MSN: variants seen among roughly 807,000 people sequenced by gnomAD.
MSN encodes epididymis luminal protein 70.
In MSN, 2 loss-of-function variants were observed where a neutral mutation model predicts 48.0. That is an observed-to-expected ratio of 0.04 (90% CI 0.02 to 0.13). The LOEUF is 0.13. Among genes scored for constraint, MSN ranks in the 10% least tolerant of loss-of-function variants. The pLI is 1.00. For missense variants in MSN, 267 were observed against 470.1 expected, an observed-to-expected ratio of 0.57 and a Z score of 3.99; for synonymous variants, 146 against 166.9, an observed-to-expected ratio of 0.87 and a Z score of 0.97.
Position 65,656,265 on chromosome X carries a change from CTGTGTGTGTGTG to C in MSN, c.-21-60525_-21-60514del, listed in dbSNP as rs3087113. On this transcript the variant is annotated intron_variant, in intron 1 of 3. Transcript: ENST00000609672. ...GGAGCAGAGCTGAAAAGATCTATGCCTGTGTGTGTGTGTGTGTGTGTGTGTGTGTGTGTGTGT... is the reference window on the plus strand; with the variant it reads ...GGAGCAGAGCTGAAAAGATCTATGCCTGTGTGTGTGTGTGTGTGTGTGTGT... Among the ~76,000 whole-genome samples, 177 of 92,837 alleles carry C rather than the reference CTGTGTGTGTGTG, an allele frequency of 1.9e-3. 2 individuals carry two copies. Among genetic ancestry groups the C allele is most frequent in the African/African-American group, 6.5e-3 (169 of 26,051 alleles). The allele number at this position is 92,837 out of a possible 115,157, so 80.6% of individuals were successfully genotyped here. A position where few individuals can be genotyped will look rare whatever the true frequency, so the allele number is the denominator to read the frequency against.
chrX:65,674,152 A>G (rs1049604752), intron 1 of MSN, among the ~76,000 whole-genome samples: 3 of 111,539 alleles, frequency 2.7e-5, no homozygotes, highest in Non-Finnish European at 5.7e-5. Flanking sequence ...TGGAAGGCAT[A>G]TGTGTAGGCT....
intron 1 of MSN, among the ~76,000 whole-genome samples, chrX:65,606,135 G>GT (rs374751324): frequency 0.011 from 1,086 of 95,244 alleles, 11 homozygotes; most frequent in African/African-American, 0.025. Flanking sequence ...TTGTTTTTAT[G>GT]TTTTTTTTTT....
chrX:65,701,040 CTCT>C (rs902857234), intron 1 of MSN, among the ~76,000 whole-genome samples: 2 of 111,831 alleles, frequency 1.8e-5, no homozygotes, highest in African/African-American at 3.3e-5. Flanking sequence ...TCAACCATGC[CTCT>C]TCTTTTCCTC....
At chrX:65,684,593 C>T (rs2071093048) in intron 1 of MSN, among the ~76,000 whole-genome samples, 1 of 110,544 alleles carries the variant, frequency 9.0e-6, no homozygotes, top group Non-Finnish European at 1.9e-5. Flanking sequence ...CACATGCCAC[C>T]ACGCCAGACT....
At chrX:65,612,764 T>C (rs2070331254) in intron 1 of MSN, among the ~76,000 whole-genome samples, 1 of 108,766 alleles carries the variant, frequency 9.2e-6, no homozygotes, top group African/African-American at 3.3e-5. Context: ...TTTCACCATG[T>C]TAGCCAGACT....
chrX:65,591,167 C>T (rs2070144033), intron 1 of MSN, among the ~76,000 whole-genome samples: 3 of 111,634 alleles, frequency 2.7e-5, no homozygotes, highest in South Asian at 7.4e-4. Flanking sequence ...TCCATTCTTC[C>T]TGGAAAGAGG....
intron 2 of MSN, among the ~76,000 whole-genome samples, chrX:65,724,149 T>C (rs898909695): frequency 8.7e-5 from 9 of 103,956 alleles, no homozygotes; most frequent in African/African-American, 2.4e-4. Flanking sequence ...CTCTCTCTCT[T>C]TTTTTTTTTT....
chrX:65,627,241 G>GACATATGTATTAGTCCATATGTATTAAT (rs1233387260), intron 1 of MSN, among the ~76,000 whole-genome samples: 4,439 of 104,781 alleles, frequency 0.042, 569 homozygotes, highest in African/African-American at 0.17. Flanking sequence ...AGATTTAACT[G>GACATATGTATTAGTCCATATGTATTAAT]ACATATGTAT....
chrX:65,697,083 G>C (rs1322664463), intron 1 of MSN, among the ~76,000 whole-genome samples: 1 of 110,908 alleles, frequency 9.0e-6, no homozygotes, highest in Non-Finnish European at 1.9e-5. Context: ...ACTGGAGGTA[G>C]GTATTTTTGA....
chrX:65,661,904 A>G (rs1171572336), intron 1 of MSN, among the ~76,000 whole-genome samples: 1 of 112,406 alleles, frequency 8.9e-6, no homozygotes, highest in Non-Finnish European at 1.9e-5. Context: ...AGTCCCAGAT[A>G]CTCAGAGGTC....
intron 1 of MSN, among the ~76,000 whole-genome samples, chrX:65,715,159 A>T (rs767504740): frequency 2.3e-4 from 25 of 110,704 alleles, no homozygotes; most frequent in Admixed American, 7.7e-4. Flanking sequence ...TGGGCTCTCT[A>T]TTCTGCTCCA....
rs111720807 is a variant in MSN, at chrX:65,696,225, T to TCACACACA, written c.13-20573_13-20566dup. Among the ~76,000 whole-genome samples the TCACACACA allele has an allele frequency of 8.9e-3, 914 of 102,239 alleles. 16 individuals carry two copies. The highest frequency in any genetic ancestry group is 0.033 in the African/African-American group (887 of 26,746). The allele number at this position is 102,239 out of a possible 115,157, so 88.8% of individuals were successfully genotyped here. On this transcript the variant is annotated intron_variant, in intron 1 of 12. Transcript: ENST00000360270. ...AAAATGCCCTCACGTGCTTGCTCAT[T>TCACACACA]CACACACACACACACACACACACAC...
At chrX:65,632,920 G>A (rs2070569675) in intron 1 of MSN, among the ~76,000 whole-genome samples, 2 of 111,996 alleles carry the variant, frequency 1.8e-5, no homozygotes, top group Non-Finnish European at 3.8e-5. Context: ...CCAGACTGAA[G>A]ATGAAGGATC....
At chrX:65,701,409 G>A (rs970658644) in intron 1 of MSN, among the ~76,000 whole-genome samples, 2 of 111,574 alleles carry the variant, frequency 1.8e-5, no homozygotes, top group East Asian at 5.6e-4. Context: ...TCCTGTCATG[G>A]GGATCTCTGG....
chrX:65,635,625 G>A (rs1265949723), intron 1 of MSN, among the ~76,000 whole-genome samples: 3 of 112,032 alleles, frequency 2.7e-5, no homozygotes, highest in Non-Finnish European at 3.8e-5. Flanking sequence ...CCCAGAAGGC[G>A]TGTCTATCCC....
intron 1 of MSN, among the ~76,000 whole-genome samples, chrX:65,693,494 C>T (rs1284418144): frequency 9.0e-6 from 1 of 111,390 alleles, no homozygotes; most frequent in African/African-American, 3.3e-5. Flanking sequence ...TATGAGTAGT[C>T]AATGAGTGAG....
chrX:65,645,978 G>A (rs1602747945), intron 1 of MSN, among the ~76,000 whole-genome samples: 1 of 111,964 alleles, frequency 8.9e-6, no homozygotes, highest in South Asian at 3.7e-4. Context: ...AGATTTTGAA[G>A]CATTTTGAAT....
At chrX:65,648,788 G>A (rs2070715243) in intron 1 of MSN, among the ~76,000 whole-genome samples, 1 of 109,971 alleles carries the variant, frequency 9.1e-6, no homozygotes, top group Non-Finnish European at 1.9e-5. Context: ...GCTTGAACCT[G>A]GGAGGCGGAA....
At chrX:65,663,991 C>T (rs148268774), upstream of MSN, among the ~76,000 whole-genome samples, 1,427 of 103,587 alleles carry the variant, frequency 0.014, 25 homozygotes, top group African/African-American at 0.047. Flanking sequence ...ACCCGGGAGG[C>T]GGAGCTTGAA....
Sources: allele counts gnomAD v4.1 joint callset (sites outside exome capture counted in the v4.1 genomes callset), GRCh38; gene constraint gnomAD v4.1.1; transcripts MANE v1.5; gene names NCBI Gene and HGNC (gene_info 2026-07-23, HGNC 2026-07-21).